Variants in BRINP3 observed in about 807,000 individuals in gnomAD.
BRINP3 encodes the protein BMP/retinoic acid inducible neural specific 3.
BRINP3 carries 19 observed loss-of-function variants against 71.0 expected under a neutral mutation model. That is an observed-to-expected ratio of 0.27 (90% CI 0.19 to 0.39). The LOEUF is 0.39. Among genes scored for constraint, BRINP3 ranks in the 10% least tolerant of loss-of-function variants. The pLI is 1.00. For synonymous variants in BRINP3, 380 were observed against 337.7 expected, an observed-to-expected ratio of 1.13 and a Z score of -1.37; for missense variants, 959 against 940.8, an observed-to-expected ratio of 1.02 and a Z score of -0.25.
At chr1:190,415,029 A>G (rs943074444) in intron 2 of BRINP3, among the ~76,000 whole-genome samples, 1 of 152,236 alleles carries the variant, frequency 6.6e-6, no homozygotes, top group Non-Finnish European at 1.5e-5. Flanking sequence ...TTAAAAATGT[A>G]TTCAATTTGA....
At chr1:190,467,126 T>G (rs1382562740) in intron 1 of BRINP3, among the ~76,000 whole-genome samples, 3 of 151,552 alleles carry the variant, frequency 2.0e-5, no homozygotes, top group Non-Finnish European at 4.4e-5. Context: ...TAATGAAGAA[T>G]TAGACAACCC....
intron 6 of BRINP3, among the ~76,000 whole-genome samples, chr1:190,177,910 CT>C (rs895196427): frequency 2.0e-5 from 3 of 152,046 alleles, no homozygotes; most frequent in East Asian, 1.9e-4. Flanking sequence ...CATGTACAAA[CT>C]TTTTTCTTGT....
At chr1:190,178,169 T>C (rs1436946519) in intron 6 of BRINP3, among the ~76,000 whole-genome samples, 1 of 152,194 alleles carries the variant, frequency 6.6e-6, no homozygotes. Flanking sequence ...TGAAATATTA[T>C]AAATTATGTA....
intron 6 of BRINP3, among the ~76,000 whole-genome samples, chr1:190,167,134 G>A (rs1278889033): frequency 2.6e-5 from 4 of 151,924 alleles, no homozygotes; most frequent in African/African-American, 4.8e-5. Context: ...TTGGATTTTG[G>A]TTGTGTCATC....
intron 2 of BRINP3, among the ~76,000 whole-genome samples, chr1:190,422,559 T>C (rs1673454250): frequency 6.6e-6 from 1 of 151,774 alleles, no homozygotes; most frequent in Non-Finnish European, 1.5e-5. Context: ...TTCCCTGATG[T>C]GCTAGGTAAC....
At chr1:190,349,580 T>C (rs1558205711) in intron 2 of BRINP3, among the ~76,000 whole-genome samples, 1 of 152,100 alleles carries the variant, frequency 6.6e-6, no homozygotes, top group African/African-American at 2.4e-5. Flanking sequence ...AATGTCTTTT[T>C]CTTAGAATGT....
At chr1:190,275,498 G>A (rs1662480988) in intron 3 of BRINP3, among the ~76,000 whole-genome samples, 1 of 151,400 alleles carries the variant, frequency 6.6e-6, no homozygotes, top group South Asian at 2.1e-4. Flanking sequence ...TTTCGTTCAT[G>A]GACCACACAC....
At chr1:190,202,755 T>C (rs527495105) in intron 6 of BRINP3, among the ~76,000 whole-genome samples, 1 of 152,226 alleles carries the variant, frequency 6.6e-6, no homozygotes, top group East Asian at 1.9e-4. Context: ...TCATCATCCA[T>C]ATAAGATGTT....
intron 7 of BRINP3, among the ~76,000 whole-genome samples, chr1:190,131,605 T>G (rs544380222): frequency 3.3e-5 from 5 of 152,234 alleles, no homozygotes; most frequent in African/African-American, 1.2e-4. Context: ...TAATGTCCCC[T>G]GCCTCTAATT....
chr1:190,413,903 A>G (rs1571989436), intron 2 of BRINP3, among the ~76,000 whole-genome samples: 1 of 152,328 alleles, frequency 6.6e-6, no homozygotes, highest in East Asian at 1.9e-4. Flanking sequence ...CCACTGAAAA[A>G]AAATGTTAAC....
chr1:190,151,491 G>C (rs1359677803), intron 7 of BRINP3, among the ~76,000 whole-genome samples: 2 of 152,070 alleles, frequency 1.3e-5, no homozygotes, highest in African/African-American at 4.8e-5. Flanking sequence ...TCTCTCATAT[G>C]TAAGTTCATG....
intron 2 of BRINP3, among the ~76,000 whole-genome samples, chr1:190,292,770 G>C (rs1205690401): frequency 2.6e-5 from 4 of 151,952 alleles, no homozygotes. Flanking sequence ...TCGTGATTCA[G>C]TATAGGTAAG....
At chr1:190,450,263 TAGGGTA>T (rs1675519066) in intron 2 of BRINP3, among the ~76,000 whole-genome samples, 1 of 152,168 alleles carries the variant, frequency 6.6e-6, no homozygotes, top group African/African-American at 2.4e-5. Flanking sequence ...CTTCTGTATT[TAGGGTA>T]AGTGCCACCT....
At chr1:190,105,194 C>A (rs1432303068) in intron 7 of BRINP3, among the ~76,000 whole-genome samples, 1 of 152,014 alleles carries the variant, frequency 6.6e-6, no homozygotes, top group Non-Finnish European at 1.5e-5. Flanking sequence ...ACTCCTGACA[C>A]ACAACAGTTT....
intron 2 of BRINP3, among the ~76,000 whole-genome samples, chr1:190,444,883 G>T (rs1675107059): frequency 6.6e-6 from 1 of 152,124 alleles, no homozygotes. Flanking sequence ...GAAATTTGGA[G>T]AAATAAATGA....
chr1:190,161,081 T>C (rs1657318474), intron 6 of BRINP3, among the ~76,000 whole-genome samples, 191 bp from the exon 7 acceptor site: 1 of 152,132 alleles, frequency 6.6e-6, no homozygotes, highest in South Asian at 2.1e-4. Flanking sequence ...TAGAATTATC[T>C]TCTTTGCTGT....
intron 2 of BRINP3, among the ~76,000 whole-genome samples, chr1:190,344,067 G>A (rs755557067): frequency 1.3e-5 from 2 of 151,686 alleles, no homozygotes; most frequent in Non-Finnish European, 3.0e-5. Context: ...CAACATATAT[G>A]TGATAAAACG....
intron 6 of BRINP3, among the ~76,000 whole-genome samples, chr1:190,225,455 G>C (rs992898970): frequency 1.3e-5 from 2 of 151,912 alleles, no homozygotes; most frequent in Non-Finnish European, 2.9e-5. Flanking sequence ...ATAGAGAGTA[G>C]AACGGTGGTT....
intron 6 of BRINP3, among the ~76,000 whole-genome samples, chr1:190,196,205 T>C (rs757816825): frequency 3.3e-5 from 5 of 152,128 alleles, no homozygotes; most frequent in Non-Finnish European, 7.4e-5. Context: ...GTACATTAGA[T>C]TTAGTTCCTT....
Sources: gnomAD v4.1 joint callset for allele counts (sites outside exome capture counted in the v4.1 genomes callset) on GRCh38, gnomAD v4.1.1 for gene constraint, MANE v1.5 for transcripts, NCBI Gene and HGNC (gene_info 2026-07-23, HGNC 2026-07-21) for gene names.